Variants in SRPRA observed in about 807,000 individuals in gnomAD.
SRPRA encodes signal recognition particle receptor subunit alpha.
SRPRA carries 30 observed loss-of-function variants against 61.1 expected under a neutral mutation model. The observed-to-expected ratio is 0.49, with a 90% CI of 0.37 to 0.67. The LOEUF is 0.67. SRPRA is among the 30% of genes least tolerant of loss of function. SRPRA has a pLI of 0.00. For missense variants in SRPRA, 759 were observed against 828.4 expected (o/e 0.92, Z 1.03); for synonymous variants, 324 against 299.7 (o/e 1.08, Z -0.84).
At chr11:126,248,154 TAAAAATAAATA>T in the SRPRA span, among the ~76,000 whole-genome samples, 3 of 149,202 alleles carry the variant, frequency 2.0e-5, no homozygotes, top group Non-Finnish European at 4.4e-5. Flanking sequence ...TCAAGAAAAA[TAAAAATAAATA>T]AAAAATAAAA....
chr11:126,265,549 G>T lies in SRPRA; in HGVS notation c.1139-109C>A. ...GACTAAAACAGTAAATTAGACTCTT[G>T]TCCCAGAAATCCAGAACAGACGCAC... On this transcript the variant is annotated intron_variant, in intron 9 of 13. Coordinates refer to ENST00000332118, the MANE Select transcript of SRPRA (RefSeq NM_003139.4). This position sits in a 1 kb window ranked among gnomAD's most constrained non-coding sequence, Gnocchi z 6.3. 1 of 1,340,084 alleles carries T rather than the reference G, an allele frequency of 7.5e-7. No individual in the cohort carries two copies. Among genetic ancestry groups the T allele is most frequent in the Non-Finnish European group, 1.0e-6 (1 of 980,552 alleles). 83.0% of individuals were successfully genotyped at this position (1,340,084 alleles called of 1,614,324 possible). A position where few individuals can be genotyped will look rare whatever the true frequency, so the allele number is the denominator to read the frequency against.
At chr11:126,258,213 TAGTG>T (rs1291933125), downstream of SRPRA, among the ~76,000 whole-genome samples, 1 of 151,982 alleles carries the variant, frequency 6.6e-6, no homozygotes, top group Non-Finnish European at 1.5e-5. Context: ...GTGAGCAACA[TAGTG>T]AGAACCTGTC....
Position 126,265,278 on chromosome 11 carries a change from TTAG to T in SRPRA, c.1298_1300del (p.Thr433del). 1 of 1,614,076 alleles carries T rather than the reference TTAG, an allele frequency of 6.2e-7. No individual in the cohort carries two copies. On this transcript the variant is annotated inframe_deletion, in exon 10 of 14. Coordinates refer to ENST00000332118, the MANE Select transcript of SRPRA (RefSeq NM_003139.4). This position sits in a 1 kb window ranked among gnomAD's most constrained non-coding sequence, Gnocchi z 6.3. ...GGGAACTGCACTGACCTTGGCAAGA[TTAG>T]TAGATTTCCCCACTCCATTAACGCC... is the stretch of plus-strand genomic sequence containing the variant.
At chr11:126,250,132 C>T in the SRPRA span, among the ~76,000 whole-genome samples, 2 of 151,272 alleles carry the variant, frequency 1.3e-5, no homozygotes, top group East Asian at 3.9e-4. This position sits in a 1 kb window ranked among gnomAD's most constrained non-coding sequence, Gnocchi z 5.1. Context: ...CGCTCCGTCG[C>T]CCAGGCTGGA....
the SRPRA span, among the ~76,000 whole-genome samples, chr11:126,248,945 A>G: frequency 5.9e-4 from 90 of 152,330 alleles, no homozygotes; most frequent in African/African-American, 2.1e-3. Flanking sequence ...TCGTCCCAAG[A>G]GCCACTTTGT....
At chr11:126,244,040 A>C in the SRPRA span, among the ~76,000 whole-genome samples, 1 of 152,226 alleles carries the variant, frequency 6.6e-6, no homozygotes, top group Admixed American at 6.5e-5. The surrounding 1 kb of genome is among the most constrained non-coding windows in gnomAD (Gnocchi z 4.5). Context: ...ATTTTTTTTA[A>C]AAAAGCCACA....
At chr11:126,260,335 G>A (rs1950662724), downstream of SRPRA, 1 of 151,628 alleles carries the variant, frequency 6.6e-6, no homozygotes, top group African/African-American at 2.4e-5. Context: ...ACCTGGCCTT[G>A]GCACATTTCT....
chr11:126,265,639 A>G lies in SRPRA; in HGVS notation c.1138+98T>C. 7.3e-7 allele frequency: 1 copy of G among 1,377,514 alleles called. No homozygotes were observed. Among genetic ancestry groups the G allele is most frequent in the Non-Finnish European group, 1.0e-6 (1 of 981,070 alleles). The allele number at this position is 1,377,514 out of a possible 1,614,324, so 85.3% of individuals were successfully genotyped here. A position where few individuals can be genotyped will look rare whatever the true frequency, so the allele number is the denominator to read the frequency against. ...TAAAATCTAGGTTACAGAGGTTTAG[A>G]GGTTAAGGAATTTGCCGAAAGTCAC... On this transcript the variant is annotated intron_variant, in intron 9 of 13. Coordinates refer to ENST00000332118, the MANE Select transcript of SRPRA (RefSeq NM_003139.4). The surrounding 1 kb of genome is among the most constrained non-coding windows in gnomAD (Gnocchi z 6.3).
chr11:126,263,938 A>C lies in SRPRA; in HGVS notation c.1895T>G (p.Val632Gly). 1.2e-6 allele frequency: 2 copies of C among 1,614,228 alleles called. No homozygotes were observed. Among genetic ancestry groups the C allele is most frequent in the Non-Finnish European group, 1.7e-6 (2 of 1,180,042 alleles). Residue 632 changes from valine (V) to glycine (G), a missense_variant, in exon 14 of 14, where the codon GTG (valine) becomes GGG (glycine). Around this residue, in one of 2 missense-constraint regions of SRPRA, gnomAD observed 284 missense variants for 365.9 expected, o/e 0.78. Transcript: ENST00000332118. ...ACGTTAAGCCTTCATGAGGGCAGCC[A>C]CCACAGCCTTGGCATTGAGGCTGCG... ...DLRSLNAKAV[V>G]AALMKA
chr11:126,267,256 C>T lies in SRPRA; in HGVS notation c.445G>A (p.Val149Met). ...FEDSEKAKKP[V>M]RSMIETRGEK... ...CCCCGTGTCTCAATCATGGACCTCA[C>T]AGGTTTCTTGGCCTTTTCAGAATCT... Residue 149 changes from valine to methionine, a missense_variant, in exon 4 of 14, where the codon GTG becomes ATG. Val to Met is a conservative substitution (Grantham distance 21). Coordinates refer to ENST00000332118, the MANE Select transcript of SRPRA (RefSeq NM_003139.4). This position sits in a 1 kb window ranked among gnomAD's most constrained non-coding sequence, Gnocchi z 4.2. 6.2e-7 allele frequency: 1 copy of T among 1,614,168 alleles called. No homozygotes were observed. The highest frequency in any genetic ancestry group is 8.5e-7 in the Non-Finnish European group (1 of 1,180,036).
the SRPRA span, chr11:126,241,221 C>T: frequency 3.3e-6 from 2 of 605,078 alleles, no homozygotes; most frequent in Non-Finnish European, 5.5e-6. Flanking sequence ...GGACCCTACT[C>T]AGGACAGTTG....
At chr11:126,254,844 T>C in the SRPRA span, among the ~76,000 whole-genome samples, 1 of 152,168 alleles carries the variant, frequency 6.6e-6, no homozygotes, top group African/African-American at 2.4e-5. Flanking sequence ...AGAAAGAAAC[T>C]GGAAAGTCAG....
At chr11:126,236,126 A>G in the SRPRA span, among the ~76,000 whole-genome samples, 1 of 152,002 alleles carries the variant, frequency 6.6e-6, no homozygotes, top group South Asian at 2.1e-4. Context: ...GATATTTGCT[A>G]TTTCCCATTC....
chr11:126,250,441 T>G, the SRPRA span: 1 of 1,118,562 alleles, frequency 8.9e-7, no homozygotes, highest in Non-Finnish European at 1.3e-6. This position sits in a 1 kb window ranked among gnomAD's most constrained non-coding sequence, Gnocchi z 5.1. Flanking sequence ...GTTACTGCTG[T>G]AACTAAAACA....
downstream of SRPRA, chr11:126,262,536 A>T: frequency 5.1e-6 from 1 of 197,358 alleles, no homozygotes; most frequent in Non-Finnish European, 1.0e-5. Flanking sequence ...TTGGTTTTTC[A>T]ATTAAGCTTA....
chr11:126,242,265 A>G, the SRPRA span, among the ~76,000 whole-genome samples: 1 of 152,152 alleles, frequency 6.6e-6, no homozygotes, highest in Non-Finnish European at 1.5e-5. Context: ...GACTTCTCCA[A>G]AGTTAAAAAC....
the SRPRA span, among the ~76,000 whole-genome samples, chr11:126,249,315 G>A: frequency 2.6e-5 from 4 of 152,306 alleles, no homozygotes; most frequent in African/African-American, 9.6e-5. Flanking sequence ...AATTGTTTAC[G>A]TTAACCTTTT....
Position 126,268,697 on chromosome 11 carries a change from C to T in SRPRA, c.108G>A (p.Val36=). Residue 36 remains valine, a synonymous_variant, in exon 1 of 14, where the codon GTG becomes GTA. Transcript: ENST00000332118. ...TGPVNALIRS[V]LLQERGGNNS... Reference sequence around the variant, plus strand: ...CCCACGGGGACGGTACCTGCAGCAGCACGGAACGAATCAACGCGTTAACGG... The same window carrying T: ...CCCACGGGGACGGTACCTGCAGCAGTACGGAACGAATCAACGCGTTAACGG... 6.2e-7 allele frequency: 1 copy of T among 1,613,642 alleles called. No individual in the cohort carries two copies. The highest frequency in any genetic ancestry group is 1.3e-5 in the African/African-American group (1 of 75,052).
chr11:126,259,050 C>T (rs981378899), downstream of SRPRA, among the ~76,000 whole-genome samples: 8 of 152,194 alleles, frequency 5.3e-5, no homozygotes, highest in African/African-American at 1.9e-4. Context: ...CAAGGATTTT[C>T]AGTATGGCCA....
Sources: allele counts gnomAD v4.1 joint callset (sites outside exome capture counted in the v4.1 genomes callset), GRCh38; gene constraint gnomAD v4.1.1; regional missense constraint gnomAD v4.1.1; non-coding constraint Gnocchi (gnomAD v3.1); transcripts MANE v1.5; gene names NCBI Gene and HGNC (gene_info 2026-07-23, HGNC 2026-07-21).